TNFSF4: variants seen among roughly 807,000 people sequenced by gnomAD.
The protein encoded by TNFSF4 is TNF superfamily member 4, also known as tumor necrosis factor ligand superfamily member 4.
TNFSF4 carries 4 observed loss-of-function variants against 7.3 expected under a neutral mutation model. The ratio of observed to expected loss-of-function variants is 0.55; its 90% confidence interval spans 0.27 to 1.25. TNFSF4 has a LOEUF of 1.25. TNFSF4 is among the 50% of genes most tolerant of loss of function. The probability of loss-of-function intolerance (pLI) is 0.12; values close to 1 mark genes in which losing one functional copy is unlikely to be tolerated. For missense variants in TNFSF4, 181 were observed against 208.8 expected, an observed-to-expected ratio of 0.87 and a Z score of 0.82; for synonymous variants, 76 against 83.7, an observed-to-expected ratio of 0.91 and a Z score of 0.50.
the TNFSF4 span, among the ~76,000 whole-genome samples, chr1:173,337,494 G>A: frequency 2.4e-4 from 37 of 152,282 alleles, no homozygotes; most frequent in African/African-American, 8.4e-4. Context: ...CTGTACCTAT[G>A]GCTTCATTGG....
the TNFSF4 span, among the ~76,000 whole-genome samples, chr1:173,274,025 C>T: frequency 6.6e-6 from 1 of 151,710 alleles, no homozygotes; most frequent in Non-Finnish European, 1.5e-5. Context: ...GATAAAGTTC[C>T]TAGTAGTCTC....
At chr1:173,444,078 C>A in the TNFSF4 span, among the ~76,000 whole-genome samples, 1 of 152,146 alleles carries the variant, frequency 6.6e-6, no homozygotes, top group Non-Finnish European at 1.5e-5. Context: ...AAATTCTTTC[C>A]ATTCCCCAAT....
the TNFSF4 span, among the ~76,000 whole-genome samples, chr1:173,234,710 T>A: frequency 2.0e-5 from 3 of 152,016 alleles, no homozygotes; most frequent in Non-Finnish European, 4.4e-5. Context: ...AACCAAACAC[T>A]GCATGTTCTC....
intron 1 of TNFSF4, among the ~76,000 whole-genome samples, chr1:173,198,630 A>T (rs1649808857): frequency 6.6e-6 from 1 of 152,206 alleles, no homozygotes; most frequent in Admixed American, 6.5e-5. Flanking sequence ...AAAAACAAAC[A>T]AACAAAAAGA....
the TNFSF4 span, among the ~76,000 whole-genome samples, chr1:173,361,164 TGTTAAACTG>T: frequency 6.6e-6 from 1 of 152,336 alleles, no homozygotes; most frequent in Admixed American, 6.5e-5. Context: ...ACCAGATGTT[TGTTAAACTG>T]CCTTTTAAAA....
At chr1:173,346,404 A>G in the TNFSF4 span, among the ~76,000 whole-genome samples, 1 of 152,192 alleles carries the variant, frequency 6.6e-6, no homozygotes, top group Non-Finnish European at 1.5e-5. Flanking sequence ...ACCCACTCCC[A>G]TAAAGGAGAG....
downstream of TNFSF4, among the ~76,000 whole-genome samples, chr1:173,180,669 C>T (rs1054630066): frequency 2.0e-5 from 3 of 152,126 alleles, no homozygotes; most frequent in South Asian, 2.1e-4. Flanking sequence ...AGTGTGTTTG[C>T]GTCAGTGTTC....
At chr1:173,193,670 C>T (rs991632278) in intron 1 of TNFSF4, among the ~76,000 whole-genome samples, 1 of 151,732 alleles carries the variant, frequency 6.6e-6, no homozygotes, top group African/African-American at 2.4e-5. Context: ...GAAGAAGTTG[C>T]CGTACAGATG....
the TNFSF4 span, among the ~76,000 whole-genome samples, chr1:173,248,182 C>T: frequency 6.6e-6 from 1 of 151,876 alleles, no homozygotes. Flanking sequence ...TTCGAAATCC[C>T]GTCTCTATGA....
At chr1:173,182,539 C>G (rs981775643), downstream of TNFSF4, among the ~76,000 whole-genome samples, 1 of 152,026 alleles carries the variant, frequency 6.6e-6, no homozygotes, top group East Asian at 1.9e-4. Flanking sequence ...AGTTTTCAGA[C>G]GTAAAATAGG....
the TNFSF4 span, among the ~76,000 whole-genome samples, chr1:173,381,365 A>T: frequency 6.6e-6 from 1 of 152,194 alleles, no homozygotes; most frequent in Admixed American, 6.5e-5. Flanking sequence ...AGGCTTCTGA[A>T]ATCAGACAAT....
At chr1:173,420,898 A>G in the TNFSF4 span, among the ~76,000 whole-genome samples, 3 of 152,212 alleles carry the variant, frequency 2.0e-5, no homozygotes, top group Non-Finnish European at 4.4e-5. Context: ...AGGCTCCTGT[A>G]TGGCCAATTG....
chr1:173,331,912 C>T, the TNFSF4 span, among the ~76,000 whole-genome samples: 1 of 152,108 alleles, frequency 6.6e-6, no homozygotes, highest in African/African-American at 2.4e-5. Flanking sequence ...GACATATTGG[C>T]CAATATCTGG....
chr1:173,312,746 G>A, the TNFSF4 span, among the ~76,000 whole-genome samples: 8 of 152,052 alleles, frequency 5.3e-5, no homozygotes, highest in African/African-American at 1.7e-4. Flanking sequence ...CCCCAGCTGT[G>A]GGGGCTTATC....
the TNFSF4 span, among the ~76,000 whole-genome samples, chr1:173,175,802 C>A: frequency 1.3e-5 from 2 of 152,126 alleles, no homozygotes; most frequent in Non-Finnish European, 2.9e-5. Flanking sequence ...AGCTTGGGAC[C>A]CTATTTTTCC....
chr1:173,399,787 T>C, the TNFSF4 span, among the ~76,000 whole-genome samples: 1 of 152,312 alleles, frequency 6.6e-6, no homozygotes, highest in African/African-American at 2.4e-5. Context: ...AAGGTGGCCA[T>C]GGTGGCAGGC....
the TNFSF4 span, among the ~76,000 whole-genome samples, chr1:173,294,823 C>T: frequency 6.6e-6 from 1 of 151,884 alleles, no homozygotes; most frequent in Admixed American, 6.6e-5. Flanking sequence ...AGAAAAGCCA[C>T]AGACAGGCAG....
chr1:173,188,524 T>C lies in TNFSF4; in HGVS notation c.199A>G (p.Thr67Ala). 1 of 1,609,894 alleles carries C rather than the reference T, an allele frequency of 6.2e-7. No individual in the cohort carries two copies. The highest frequency in any genetic ancestry group is 1.7e-4 in the Middle Eastern group (1 of 6,054). The change falls in exon 2 of 3, where the codon ACC (threonine) becomes GCC (alanine). Residue 67 changes from threonine to alanine, a missense_variant. Physicochemically the swap from Thr to Ala is moderately conservative, Grantham distance 58 (BLOSUM62 0). Transcript: ENST00000281834. ...PRIQSIKVQF[T>A]EYKKEKGFIL... ...TTAAACTTTTGACAATACTTACCGGTAAATTGTACTTTGATACTTTGAATT... is the reference window on the plus strand; with the variant it reads ...TTAAACTTTTGACAATACTTACCGGCAAATTGTACTTTGATACTTTGAATT...
At chr1:173,425,140 G>C in the TNFSF4 span, among the ~76,000 whole-genome samples, 2 of 26,946 alleles carry the variant, frequency 7.4e-5, no homozygotes, top group Non-Finnish European at 3.3e-4. Context: ...AAAGTTCCCT[G>C]TGGATTTGAT....
Sources: gnomAD v4.1 joint callset for allele counts (sites outside exome capture counted in the v4.1 genomes callset) on GRCh38, gnomAD v4.1.1 for gene constraint, MANE v1.5 for transcripts, NCBI Gene and HGNC (gene_info 2026-07-23, HGNC 2026-07-21) for gene names.